RELN: variants seen among roughly 807,000 people sequenced by gnomAD.
The protein encoded by RELN is reelin.
RELN carries 108 observed loss-of-function variants against 427.6 expected under a neutral mutation model. That is an observed-to-expected ratio of 0.25 (90% CI 0.22 to 0.30). The LOEUF (loss-of-function observed/expected upper bound fraction) is 0.30. Ranked by LOEUF, RELN falls within the 10% of genes least tolerant of loss-of-function variation. The pLI is 1.00. For missense variants in RELN, 3,715 were observed against 4,302.8 expected, an observed-to-expected ratio of 0.86 and a Z score of 3.82; for synonymous variants, 1,524 against 1,513.4, an observed-to-expected ratio of 1.01 and a Z score of -0.16.
intron 6 of RELN, among the ~76,000 whole-genome samples, chr7:103,745,570 T>G (rs573610317): frequency 2.0e-5 from 3 of 151,418 alleles, no homozygotes; most frequent in Admixed American, 6.6e-5. Context: ...CAGCAAAGTC[T>G]CAGGATACAA....
chr7:103,729,163 C>G (rs1790289371), intron 6 of RELN, among the ~76,000 whole-genome samples: 1 of 152,122 alleles, frequency 6.6e-6, no homozygotes, highest in Non-Finnish European at 1.5e-5. Flanking sequence ...AACCTCAAAC[C>G]ACATGAGAGC....
chr7:103,694,436 C>T (rs1833934666), intron 10 of RELN, among the ~76,000 whole-genome samples: 1 of 151,488 alleles, frequency 6.6e-6, no homozygotes, highest in Admixed American at 6.6e-5. Context: ...ACAGCATCTT[C>T]TTTACAGGTT....
intron 42 of RELN, among the ~76,000 whole-genome samples, chr7:103,543,429 T>G (rs781072662): frequency 1.2e-4 from 19 of 152,174 alleles, no homozygotes; most frequent in Non-Finnish European, 2.4e-4. Flanking sequence ...GTGGATCACC[T>G]GAGGTCAGGA....
intron 1 of RELN, among the ~76,000 whole-genome samples, chr7:103,949,709 A>G (rs1191046792): frequency 6.6e-6 from 1 of 152,192 alleles, no homozygotes; most frequent in East Asian, 1.9e-4. Flanking sequence ...AGAGATAATG[A>G]TATCCTATAT....
intron 19 of RELN, among the ~76,000 whole-genome samples, chr7:103,633,928 G>C (rs551590807): frequency 4.6e-5 from 7 of 152,110 alleles, no homozygotes; most frequent in African/African-American, 1.7e-4. Context: ...AGAAAGTTGA[G>C]TTTAGCACTA....
chr7:103,794,201 C>T lies in RELN; in HGVS notation c.474-17574G>A, dbSNP rs552645451. On this transcript the variant is annotated intron_variant, in intron 3 of 64. Coordinates refer to ENST00000428762, the MANE Select transcript of RELN (RefSeq NM_005045.4). ...CTTTAAAAATATACACATTGCCATG[C>T]TCCACTCTTGACCGCTTAATTTAGA... 9.2e-5 allele frequency among the ~76,000 whole-genome samples: 14 copies of T among 152,256 alleles called. No homozygotes were observed. In the South Asian group the frequency reaches 2.5e-3, roughly 27 times the overall value.
chr7:103,809,694 GCATTGTAGACCATTAA>G lies in RELN; in HGVS notation c.473+23827_473+23842del, dbSNP rs928045587. Among the ~76,000 whole-genome samples, 19 of 152,174 alleles carry G rather than the reference GCATTGTAGACCATTAA, an allele frequency of 1.2e-4. 1 individual carries two copies. The highest frequency in any genetic ancestry group is 2.5e-4 in the Non-Finnish European group (17 of 68,026). On this transcript the variant is annotated intron_variant, in intron 3 of 64. Transcript: ENST00000428762. ...GCTGTGAATGGTATTTACATAATCA[GCATTGTAGACCATTAA>G]CATTGTAGATCATTAACATGACAAT... is the stretch of plus-strand genomic sequence containing the variant.
At chr7:103,596,741 G>A (rs1831545558) in intron 24 of RELN, 80 bp from the exon 25 acceptor site, 2 of 1,176,690 alleles carry the variant, frequency 1.7e-6, no homozygotes, top group Admixed American at 1.8e-5. Context: ...AAATTCACAT[G>A]GACATCTTAG....
intron 6 of RELN, among the ~76,000 whole-genome samples, chr7:103,739,344 C>T (rs578228017): frequency 6.6e-6 from 1 of 152,276 alleles, no homozygotes; most frequent in Admixed American, 6.5e-5. Flanking sequence ...TTACATTCTT[C>T]TGAATTTAGT....
At chr7:103,845,122 G>A (rs1340051929) in intron 2 of RELN, among the ~76,000 whole-genome samples, 8 of 150,446 alleles carry the variant, frequency 5.3e-5, no homozygotes, top group Non-Finnish European at 1.0e-4. Context: ...ACAGCTCCAG[G>A]TAGAACCGTT....
chr7:103,598,389 T>C (rs1831588153), intron 24 of RELN, among the ~76,000 whole-genome samples: 1 of 152,158 alleles, frequency 6.6e-6, no homozygotes, highest in East Asian at 1.9e-4. Context: ...GATCCTAGCA[T>C]TTTCAACCCT....
chr7:103,739,017 C>A (rs193158932), intron 6 of RELN, among the ~76,000 whole-genome samples: 2 of 152,236 alleles, frequency 1.3e-5, no homozygotes, highest in East Asian at 3.9e-4. Flanking sequence ...TTTTGAGATT[C>A]ATCCATGTTG....
chr7:103,710,663 A>G (rs1562966577), intron 8 of RELN, among the ~76,000 whole-genome samples: 1 of 152,222 alleles, frequency 6.6e-6, no homozygotes, highest in Non-Finnish European at 1.5e-5. Context: ...TTAAGCATCA[A>G]CTCTGATCTA....
rs567336904 is a variant in RELN, at chr7:103,504,035, C to T, written c.8275-805G>A. On this transcript the variant is annotated intron_variant, in intron 51 of 64. Transcript: ENST00000428762. ...CCTGACCAACATGGTGAAACCCTGTCTCTACTAAAAATACAAAAATTAGCT... is the reference window on the plus strand; with the variant it reads ...CCTGACCAACATGGTGAAACCCTGTTTCTACTAAAAATACAAAAATTAGCT... Among the ~76,000 whole-genome samples the T allele has an allele frequency of 3.3e-5, 5 of 152,084 alleles. No homozygotes were observed. The South Asian group carries it at 8.3e-4, about 25-fold the overall frequency.
intron 11 of RELN, among the ~76,000 whole-genome samples, chr7:103,678,620 C>T (rs1833590104): frequency 3.3e-5 from 5 of 152,130 alleles, no homozygotes. Flanking sequence ...GGCTTACTGG[C>T]TCTCTTTTCT....
intron 64 of RELN, 126 bp downstream of exon 64, chr7:103,478,263 A>C: frequency 1.6e-6 from 1 of 621,500 alleles, no homozygotes; most frequent in Non-Finnish European, 2.8e-6. Flanking sequence ...ATCATTTATT[A>C]CTGTTTTCAT....
chr7:103,484,206 G>A, intron 61 of RELN: 1 of 275,038 alleles, frequency 3.6e-6, no homozygotes, highest in Non-Finnish European at 7.1e-6. Flanking sequence ...ACTAAATTCA[G>A]GAAGTATTAA....
In RELN at chr7:103,501,028, A is replaced by T; in HGVS notation, c.8490-106T>A. On this transcript the variant is annotated intron_variant, in intron 52 of 64. Transcript: ENST00000428762. ...ACTCAAGAGAAAAAACATTTAAGAT[A>T]CTCTTACTAGATGAAATAGGTTAAT... The T allele has an allele frequency of 1.2e-5, 12 of 982,786 alleles. 1 individual carries two copies. In the South Asian group the frequency reaches 1.6e-4, roughly 13 times the overall value. 60.9% of individuals were successfully genotyped at this position (982,786 alleles called of 1,614,324 possible).
chr7:103,816,378 CA>C (rs1009890657), intron 3 of RELN, among the ~76,000 whole-genome samples: 1 of 151,122 alleles, frequency 6.6e-6, no homozygotes, highest in African/African-American at 2.4e-5. Flanking sequence ...GGTTCCATCT[CA>C]AAAAAAAGAT....
Sources: gnomAD v4.1 joint callset for allele counts (sites outside exome capture counted in the v4.1 genomes callset) on GRCh38, gnomAD v4.1.1 for gene constraint, MANE v1.5 for transcripts, NCBI Gene and HGNC (gene_info 2026-07-23, HGNC 2026-07-21) for gene names.